Variants in MAPK9 observed in about 807,000 individuals in gnomAD.
The protein encoded by MAPK9 is mitogen-activated protein kinase 9, also known as Jun kinase.
MAPK9 carries 30 observed loss-of-function variants against 57.1 expected under a neutral mutation model. That is an observed-to-expected ratio of 0.53 (90% CI 0.39 to 0.71). The LOEUF is 0.71. Among genes scored for constraint, MAPK9 ranks in the 30% least tolerant of loss-of-function variants. MAPK9 has a pLI of 0.00. For missense variants in MAPK9, 362 were observed against 521.0 expected (o/e 0.69, Z 2.97); for synonymous variants, 155 against 177.0 (o/e 0.88, Z 0.99).
At chr5:180,264,724 T>C in intron 4 of MAPK9, 57 bp downstream of exon 4, 1 of 1,465,794 alleles carries the variant, frequency 6.8e-7, no homozygotes, top group Non-Finnish European at 9.1e-7. Context: ...GTTGCTGTCT[T>C]TTCTAGATGT....
chr5:180,247,136 A>G lies in MAPK9; in HGVS notation c.688+303T>C, dbSNP rs1192306325. 2.2e-6 allele frequency: 1 copy of G among 453,810 alleles called. No individual in the cohort carries two copies. Among genetic ancestry groups the G allele is most frequent in the Non-Finnish European group, 3.9e-6 (1 of 257,024 alleles). 28.1% of individuals were successfully genotyped at this position (453,810 alleles called of 1,614,324 possible). A position where few individuals can be genotyped will look rare whatever the true frequency, so the allele number is the denominator to read the frequency against. On this transcript the variant is annotated intron_variant, in intron 7 of 11. Coordinates refer to ENST00000452135, the MANE Select transcript of MAPK9 (RefSeq NM_002752.5). This position sits in a 1 kb window ranked among gnomAD's most constrained non-coding sequence, Gnocchi z 4.5. ...TTCATTTAAATATCAGAATATACTTATCAAAGAGTAAATAATTTCTTCTAT... is the reference window on the plus strand; with the variant it reads ...TTCATTTAAATATCAGAATATACTTGTCAAAGAGTAAATAATTTCTTCTAT...
chr5:180,238,312 C>T lies in MAPK9; in HGVS notation c.1132+20G>A, dbSNP rs1166517037. The T allele has an allele frequency of 1.3e-6, 2 of 1,586,084 alleles. No homozygotes were observed. Among genetic ancestry groups the T allele is most frequent in the East Asian group, 2.2e-5 (1 of 44,640 alleles). On this transcript the variant is annotated intron_variant, in intron 11 of 11. Transcript: ENST00000452135. ...TAGGGAAAGAAAAATATCATACAAT[C>T]AATTAAAGCAATCACTAACCTGAAG...
chr5:180,247,562 A>C lies in MAPK9; in HGVS notation c.617-52T>G. On this transcript the variant is annotated intron_variant, in intron 6 of 11. Coordinates refer to ENST00000452135, the MANE Select transcript of MAPK9 (RefSeq NM_002752.5). This position sits in a 1 kb window ranked among gnomAD's most constrained non-coding sequence, Gnocchi z 4.5. ...TATGAAGTGCCATGAACAAAACAAA[A>C]GTGAGGAAAAGGAATTCTAACAGTG... 1 of 1,491,110 alleles carries C rather than the reference A, an allele frequency of 6.7e-7. No homozygotes were observed. Among genetic ancestry groups the C allele is most frequent in the African/African-American group, 1.4e-5 (1 of 72,390 alleles). The allele number at this position is 1,491,110 out of a possible 1,614,324, so 92.4% of individuals were successfully genotyped here.
At chr5:180,240,940 C>G in intron 9 of MAPK9, 91 bp downstream of exon 9, 1 of 1,392,662 alleles carries the variant, frequency 7.2e-7, no homozygotes, top group Non-Finnish European at 9.4e-7. Flanking sequence ...GAACTTGCTA[C>G]CCATATGTAG....
intron 7 of MAPK9, 90 bp from the exon 8 acceptor site, chr5:180,242,845 G>A (rs34520767): frequency 5.2e-6 from 5 of 962,858 alleles, no homozygotes; most frequent in Admixed American, 5.4e-5. Flanking sequence ...TAAACCTATC[G>A]ACTAGGCCAC....
chr5:180,264,534 C>T (rs1325055396), intron 4 of MAPK9, among the ~76,000 whole-genome samples: 2 of 152,164 alleles, frequency 1.3e-5, no homozygotes, highest in Non-Finnish European at 2.9e-5. Context: ...ATTAGTGATC[C>T]TGGTCTGCTC....
rs1210692797 is a variant in MAPK9 at position 180,235,448 on chromosome 5, T to TGA, written c.*934_*935dup. ...AGGAAATGACTGCAGTGATCTCTAG[T>TGA]GAGCATTTTGTAAAATTCCACTCCA... is the stretch of plus-strand genomic sequence containing the variant. On this transcript the variant is annotated 3_prime_UTR_variant, in exon 12 of 12. Transcript: ENST00000452135. 2.6e-5 allele frequency: 4 copies of TGA among 152,228 alleles called. No homozygotes were observed. Among genetic ancestry groups the TGA allele is most frequent in the African/African-American group, 7.2e-5 (3 of 41,448 alleles). The allele number at this position is 152,228 out of a possible 1,614,324, so 9.4% of individuals were successfully genotyped here.
At chr5:180,240,051 A>C in intron 9 of MAPK9, 64 bp from the exon 10 acceptor site, 3 of 1,286,272 alleles carry the variant, frequency 2.3e-6, no homozygotes, top group Non-Finnish European at 3.4e-6. Context: ...GCACTAAAAA[A>C]GGTAAAATTG....
intron 8 of MAPK9, among the ~76,000 whole-genome samples, chr5:180,242,123 A>G (rs1757720861): frequency 6.6e-6 from 1 of 152,218 alleles, no homozygotes; most frequent in South Asian, 2.1e-4. Flanking sequence ...GGCTTTTCTG[A>G]TTAAGGCACA....
chr5:180,236,795 T>C, intron 11 of MAPK9: 1 of 270,170 alleles, frequency 3.7e-6, no homozygotes. Context: ...TGTATAATCA[T>C]GTTAGCTACT....
chr5:180,276,972 T>G lies in MAPK9; in HGVS notation c.122+3468A>C, dbSNP rs115416346. ...GACAACTATAAAAACAATTCAAAAT[T>G]AGGAACCAGAATATTTTCTTCTGGC... On this transcript the variant is annotated intron_variant, in intron 2 of 11. Coordinates refer to ENST00000452135, the MANE Select transcript of MAPK9 (RefSeq NM_002752.5). 4.7e-3 allele frequency among the ~76,000 whole-genome samples: 716 copies of G among 152,282 alleles called. 6 individuals are homozygous for G. The highest frequency in any genetic ancestry group is 0.016 in the African/African-American group (680 of 41,562).
In MAPK9 at chr5:180,233,445, C is replaced by G. The variant is rs970148819; in HGVS notation, c.*2939G>C. ...AGAGAACAAACAGCAATGTTTCTGCCTCTCAGTGTGAAACCTCTTGCTAAT... is the reference window on the plus strand; with the variant it reads ...AGAGAACAAACAGCAATGTTTCTGCGTCTCAGTGTGAAACCTCTTGCTAAT... On this transcript the variant is annotated 3_prime_UTR_variant, in exon 12 of 12. Coordinates refer to ENST00000452135, the MANE Select transcript of MAPK9 (RefSeq NM_002752.5). 4.6e-5 allele frequency: 7 copies of G among 152,166 alleles called. No individual in the cohort carries two copies. The highest frequency in any genetic ancestry group is 8.8e-5 in the Non-Finnish European group (6 of 68,032). 9.4% of individuals were successfully genotyped at this position (152,166 alleles called of 1,614,324 possible). A position where few individuals can be genotyped will look rare whatever the true frequency, so the allele number is the denominator to read the frequency against.
At chr5:180,244,605 C>T (rs1451974806) in intron 7 of MAPK9, among the ~76,000 whole-genome samples, 2 of 151,668 alleles carry the variant, frequency 1.3e-5, no homozygotes, top group African/African-American at 2.4e-5. Context: ...GAAACCCTGG[C>T]CCTACTAAAA....
intron 1 of MAPK9, among the ~76,000 whole-genome samples, chr5:180,282,448 C>A (rs1199424117): frequency 6.6e-6 from 1 of 152,168 alleles, no homozygotes; most frequent in Non-Finnish European, 1.5e-5. Flanking sequence ...GCGGTAAGGG[C>A]CATAAGCACA....
Position 180,247,948 on chromosome 5 carries a change from A to T in MAPK9, c.617-438T>A, listed in dbSNP as rs1758284935. On this transcript the variant is annotated intron_variant, in intron 6 of 11. Coordinates refer to ENST00000452135, the MANE Select transcript of MAPK9 (RefSeq NM_002752.5). This position sits in a 1 kb window ranked among gnomAD's most constrained non-coding sequence, Gnocchi z 4.5. ...TCCACTACCAAACACCAGGGGATTA[A>T]AAACCAGCTAGAGTCCCCCATCTTT... The T allele has an allele frequency of 1.2e-6, 2 of 1,609,864 alleles. No individual in the cohort carries two copies. The highest frequency in any genetic ancestry group is 8.5e-7 in the Non-Finnish European group (1 of 1,178,272).
At chr5:180,271,901 A>T (rs1761361815) in intron 2 of MAPK9, among the ~76,000 whole-genome samples, 1 of 152,236 alleles carries the variant, frequency 6.6e-6, no homozygotes. Flanking sequence ...CTAATAAATA[A>T]TAGATTTTAT....
In MAPK9 at chr5:180,269,292, G is replaced by C. The variant is rs769855661; in HGVS notation, c.240C>G (p.Val80=). The change falls in exon 3 of 12, where the codon GTC becomes GTG. Residue 80 remains valine (V), a synonymous_variant. Coordinates refer to ENST00000452135, the MANE Select transcript of MAPK9 (RefSeq NM_002752.5). ...ATACATAACTTACATTTTTATGATTGACACATTTTAAGAGGACAAGTTCAC... is the reference window on the plus strand; with the variant it reads ...ATACATAACTTACATTTTTATGATTCACACATTTTAAGAGGACAAGTTCAC... The part of the protein sequence containing the change: ...AYRELVLLKC[V]NHKNIISLLN... 10 of 1,613,166 alleles carry C rather than the reference G, an allele frequency of 6.2e-6. No homozygotes were observed. In the African/African-American group the frequency reaches 9.3e-5, roughly 15 times the overall value.
chr5:180,240,777 C>T (rs1407909620), intron 9 of MAPK9, among the ~76,000 whole-genome samples: 1 of 152,242 alleles, frequency 6.6e-6, no homozygotes, highest in African/African-American at 2.4e-5. Context: ...AAACTATGAG[C>T]TCACAGCAGC....
At chr5:180,267,561 CAAAAAAAA>C (rs34776289) in intron 3 of MAPK9, among the ~76,000 whole-genome samples, 2 of 89,862 alleles carry the variant, frequency 2.2e-5, no homozygotes, top group Non-Finnish European at 2.1e-5. Flanking sequence ...GACTCCGTCT[CAAAAAAAA>C]AAAAAAAAAA....
Sources: allele counts gnomAD v4.1 joint callset (sites outside exome capture counted in the v4.1 genomes callset), GRCh38; gene constraint gnomAD v4.1.1; non-coding constraint Gnocchi (gnomAD v3.1); transcripts MANE v1.5; gene names NCBI Gene and HGNC (gene_info 2026-07-23, HGNC 2026-07-21).